DPYSL5: variants seen among roughly 807,000 people sequenced by gnomAD.
The protein encoded by DPYSL5 is dihydropyrimidinase like 5, also known as dihydropyrimidinase-related protein 5.
DPYSL5 carries 9 observed loss-of-function variants against 58.4 expected under a neutral mutation model. The observed-to-expected ratio is 0.15, with a 90% confidence interval of 0.09 to 0.27. DPYSL5 has a LOEUF of 0.27. Ranked by LOEUF, DPYSL5 falls within the 10% of genes least tolerant of loss-of-function variation. The probability of loss-of-function intolerance (pLI) is 1.00; values close to 1 mark genes in which losing one functional copy is unlikely to be tolerated. For synonymous variants in DPYSL5, 293 were observed against 301.9 expected, an observed-to-expected ratio of 0.97 and a Z score of 0.31; for missense variants, 499 against 770.6, an observed-to-expected ratio of 0.65 and a Z score of 4.17.
chr2:26,921,889 C>T (rs1251925185), intron 2 of DPYSL5, among the ~76,000 whole-genome samples: 1 of 152,078 alleles, frequency 6.6e-6, no homozygotes. Context: ...CGTGGCTGCT[C>T]CTAGATTACA....
intron 1 of DPYSL5, among the ~76,000 whole-genome samples, chr2:26,862,389 C>T (rs1230603361): frequency 1.3e-5 from 2 of 152,096 alleles, no homozygotes; most frequent in African/African-American, 2.4e-5. Flanking sequence ...CTTGGGTGGT[C>T]ATATAATTTA....
intron 2 of DPYSL5, among the ~76,000 whole-genome samples, chr2:26,916,774 A>G (rs1664575068): frequency 6.6e-6 from 1 of 152,104 alleles, no homozygotes; most frequent in East Asian, 1.9e-4. Context: ...GAGGAATACT[A>G]TCTCTTGCTG....
At chr2:26,863,351 C>T (rs1666065090) in intron 1 of DPYSL5, among the ~76,000 whole-genome samples, 1 of 152,118 alleles carries the variant, frequency 6.6e-6, no homozygotes, top group South Asian at 2.1e-4. Context: ...TCTTGACCTG[C>T]CCCCCAGGCA....
At chr2:26,884,848 A>G (rs1424733722) in intron 1 of DPYSL5, among the ~76,000 whole-genome samples, 1 of 151,766 alleles carries the variant, frequency 6.6e-6, no homozygotes, top group African/African-American at 2.4e-5. Context: ...GTTTCATTCA[A>G]CTCCTGCTTG....
chr2:26,885,356 G>A (rs1283356640), intron 1 of DPYSL5, among the ~76,000 whole-genome samples: 2 of 152,144 alleles, frequency 1.3e-5, no homozygotes, highest in Non-Finnish European at 2.9e-5. Context: ...CTTACCTATA[G>A]TCTTGCCCAC....
At chr2:26,909,372 A>T (rs1383132209) in intron 2 of DPYSL5, among the ~76,000 whole-genome samples, 1 of 152,216 alleles carries the variant, frequency 6.6e-6, no homozygotes, top group Admixed American at 6.5e-5. Flanking sequence ...TGGAAGTACC[A>T]TTAGAGATTA....
intron 8 of DPYSL5, among the ~76,000 whole-genome samples, chr2:26,936,810 G>A (rs893105299): frequency 3.3e-5 from 5 of 151,926 alleles, no homozygotes; most frequent in African/African-American, 1.2e-4. Flanking sequence ...GCTGGGCATG[G>A]TGGCTCGTGC....
At chr2:26,880,302 A>G (rs909046031) in intron 1 of DPYSL5, among the ~76,000 whole-genome samples, 4 of 152,144 alleles carry the variant, frequency 2.6e-5, no homozygotes, top group Non-Finnish European at 5.9e-5. Flanking sequence ...TTCTGTGGGC[A>G]CCACCCAGTT....
Position 26,898,785 on chromosome 2 carries a change from G to T in DPYSL5, c.261+25G>T, listed in dbSNP as rs965228721. The T allele has an allele frequency of 1.9e-6, 3 of 1,582,838 alleles. No homozygotes were observed. The highest frequency in any genetic ancestry group is 2.6e-6 in the Non-Finnish European group (3 of 1,161,782). ...GGTAATGCTCCTGTTTGCCAAAGGT[G>T]GCTTCCTCTTTGGCTTTTTTATTCT... On this transcript the variant is annotated intron_variant, in intron 2 of 12. Transcript: ENST00000288699. This position sits in a 1 kb window ranked among gnomAD's most constrained non-coding sequence, Gnocchi z 6.1.
At chr2:26,926,820 T>C (rs959986921) in intron 3 of DPYSL5, among the ~76,000 whole-genome samples, 1 of 152,246 alleles carries the variant, frequency 6.6e-6, no homozygotes, top group Non-Finnish European at 1.5e-5. Context: ...ACTTTGTTCA[T>C]GTTTAGCTTT....
chr2:26,866,877 G>A (rs911768585), intron 1 of DPYSL5, among the ~76,000 whole-genome samples: 3 of 151,840 alleles, frequency 2.0e-5, no homozygotes, highest in Admixed American at 2.0e-4. Flanking sequence ...GATTACAGGT[G>A]TGTGCCACCA....
chr2:26,925,057 G>C lies in DPYSL5; in HGVS notation c.420+12G>C. 3 of 1,612,456 alleles carry C rather than the reference G, an allele frequency of 1.9e-6. No individual in the cohort carries two copies. Among genetic ancestry groups the C allele is most frequent in the Non-Finnish European group, 2.5e-6 (3 of 1,179,060 alleles). ...GGTGGGCACCCAAGGTAACAGTGCT[G>C]GTGGGATCCCAGAAGAAGGCACAAG... On this transcript the variant is annotated intron_variant, in intron 3 of 12. Coordinates refer to ENST00000288699, the MANE Select transcript of DPYSL5 (RefSeq NM_020134.4). The surrounding 1 kb of genome is among the most constrained non-coding windows in gnomAD (Gnocchi z 4.5).
chr2:26,849,460 G>A lies in DPYSL5; in HGVS notation c.-5+1206G>A, dbSNP rs771579658. On this transcript the variant is annotated intron_variant, in intron 1 of 12. Transcript: ENST00000288699. The surrounding 1 kb of genome is among the most constrained non-coding windows in gnomAD (Gnocchi z 6.2). Reference sequence around the variant, plus strand: ...GCGTGGCCCTCGGACCGGGGTTAGGGACCCAGGATGGCAGATCCGGGACCG... The same window carrying A: ...GCGTGGCCCTCGGACCGGGGTTAGGAACCCAGGATGGCAGATCCGGGACCG... Among the ~76,000 whole-genome samples the A allele has an allele frequency of 3.3e-5, 5 of 152,132 alleles. No individual in the cohort carries two copies. Among genetic ancestry groups the A allele is most frequent in the Non-Finnish European group, 1.5e-5 (1 of 68,006 alleles).
chr2:26,857,822 T>A (rs1432581895), intron 1 of DPYSL5, among the ~76,000 whole-genome samples: 1 of 152,164 alleles, frequency 6.6e-6, no homozygotes. Context: ...CTGCAACTAA[T>A]GAAAAAAGTA....
intron 1 of DPYSL5, among the ~76,000 whole-genome samples, chr2:26,876,568 C>T (rs1477157282): frequency 9.2e-5 from 14 of 152,018 alleles, no homozygotes; most frequent in African/African-American, 2.7e-4. Context: ...CAGGCTGGAG[C>T]GCAATGGTAT....
chr2:26,918,237 C>T (rs981224298), intron 2 of DPYSL5, among the ~76,000 whole-genome samples: 4 of 151,220 alleles, frequency 2.6e-5, no homozygotes, highest in Non-Finnish European at 5.9e-5. Flanking sequence ...CTGGGTGGGC[C>T]TGGACAGTGG....
chr2:26,913,267 A>G (rs1050279796), intron 2 of DPYSL5, among the ~76,000 whole-genome samples: 2 of 151,900 alleles, frequency 1.3e-5, no homozygotes, highest in Non-Finnish European at 2.9e-5. Flanking sequence ...GTGATTCCCC[A>G]TTCCTCCCTC....
chr2:26,899,327 G>A (rs1057247218), intron 2 of DPYSL5, among the ~76,000 whole-genome samples: 3 of 152,144 alleles, frequency 2.0e-5, no homozygotes, highest in Admixed American at 6.5e-5. Flanking sequence ...GCTACTGTAA[G>A]TTCCTGAATG....
At chr2:26,936,342 T>C (rs1665175511) in intron 8 of DPYSL5, among the ~76,000 whole-genome samples, 1 of 152,194 alleles carries the variant, frequency 6.6e-6, no homozygotes, top group Non-Finnish European at 1.5e-5. Flanking sequence ...TCCATGTCCT[T>C]AGCTTTCAGT....
Sources: allele counts gnomAD v4.1 joint callset (sites outside exome capture counted in the v4.1 genomes callset), GRCh38; gene constraint gnomAD v4.1.1; non-coding constraint Gnocchi (gnomAD v3.1); transcripts MANE v1.5; gene names NCBI Gene and HGNC (gene_info 2026-07-23, HGNC 2026-07-21).